The following PRKN variants were observed in gnomAD, a reference collection of about 807,000 sequenced individuals.
PRKN encodes E3 ubiquitin-protein ligase parkin.
A neutral mutation model predicts 59.5 loss-of-function variants in PRKN; 56 were observed. The observed-to-expected ratio is 0.94, with a 90% CI of 0.76 to 1.18. The LOEUF (loss-of-function observed/expected upper bound fraction) is 1.18. PRKN is among the 50% of genes most tolerant of loss of function. PRKN has a pLI of 0.00. For synonymous variants in PRKN, 250 were observed against 222.1 expected (o/e 1.13, Z -1.12); for missense variants, 657 against 596.4 (o/e 1.10, Z -1.06).
intron 9 of PRKN, among the ~76,000 whole-genome samples, chr6:161,519,043 A>G (rs1778721298): frequency 6.6e-6 from 1 of 152,232 alleles, no homozygotes; most frequent in Non-Finnish European, 1.5e-5. Context: ...AGCGCAATGT[A>G]CTTGTAACAC....
chr6:161,892,117 C>T (rs566779029), intron 6 of PRKN, among the ~76,000 whole-genome samples: 9 of 152,152 alleles, frequency 5.9e-5, no homozygotes, highest in Non-Finnish European at 1.3e-4. Context: ...CTCATCTTCC[C>T]TAAGTGCTTA....
intron 1 of PRKN, among the ~76,000 whole-genome samples, chr6:162,500,196 A>C: frequency 6.9e-6 from 1 of 145,968 alleles, no homozygotes; most frequent in East Asian, 2.0e-4. Context: ...TTTTGGTGAC[A>C]GAGTTTCACT....
At position 161,547,940 on chromosome 6, in the gene PRKN, C is replaced by T. The variant is rs1168123096; in HGVS notation, c.1083+914G>A. ...GCCCCACTGCATGACATACAGGAAG[C>T]TTTACTAAGGGGAACCAATGCTAAT... On this transcript the variant is annotated intron_variant, in intron 9 of 11. Transcript: ENST00000366898. The surrounding 1 kb of genome is among the most constrained non-coding windows in gnomAD (Gnocchi z 4.0). Among the ~76,000 whole-genome samples, 2 of 152,184 alleles carry T rather than the reference C, an allele frequency of 1.3e-5. No individual in the cohort carries two copies. The highest frequency in any genetic ancestry group is 2.9e-5 in the Non-Finnish European group (2 of 68,026).
intron 7 of PRKN, among the ~76,000 whole-genome samples, chr6:161,780,761 G>C (rs1737868189): frequency 6.6e-6 from 1 of 152,040 alleles, no homozygotes; most frequent in South Asian, 2.1e-4. Context: ...CGAGAGTAGG[G>C]AGCCATTATA....
intron 4 of PRKN, among the ~76,000 whole-genome samples, chr6:162,111,463 TAA>T (rs144971105): frequency 5.3e-5 from 8 of 150,606 alleles, no homozygotes; most frequent in Non-Finnish European, 1.5e-5. Context: ...AGACTCTGTC[TAA>T]AAAAAAAGAG....
intron 9 of PRKN, among the ~76,000 whole-genome samples, chr6:161,490,386 C>T (rs867519287): frequency 9.9e-4 from 111 of 112,262 alleles, no homozygotes; most frequent in Admixed American, 1.1e-3. Flanking sequence ...TCTTTCTTTC[C>T]TTTTTTTTTT....
At position 161,550,738 on chromosome 6, in the gene PRKN, C is replaced by CGTGTGTGTGTGTGT. The variant is rs57908717; in HGVS notation, c.934-1749_934-1736dup. ...AAGAAAGGGTATGTGTGTGTGTGCACGTGTGTGTGTGTGTGTGTGTGTGTA... is the reference window on the plus strand; with the variant it reads ...AAGAAAGGGTATGTGTGTGTGTGCACGTGTGTGTGTGTGTGTGTGTGTGTGTGTGTGTGTGTGTA... On this transcript the variant is annotated intron_variant, in intron 8 of 11. Coordinates refer to ENST00000366898, the MANE Select transcript of PRKN (RefSeq NM_004562.3). The surrounding 1 kb of genome is among the most constrained non-coding windows in gnomAD (Gnocchi z 4.0). Among the ~76,000 whole-genome samples the CGTGTGTGTGTGTGT allele has an allele frequency of 0.11, 16,319 of 146,146 alleles. 1,046 individuals carry two copies. The highest frequency in any genetic ancestry group is 0.2 in the Middle Eastern group (57 of 286).
At chr6:162,567,357 A>G (rs567982836) in intron 1 of PRKN, among the ~76,000 whole-genome samples, 9 of 152,368 alleles carry the variant, frequency 5.9e-5, no homozygotes, top group African/African-American at 1.9e-4. Flanking sequence ...ATATGATCTT[A>G]TATTTGGAAA....
At chr6:162,241,453 C>G (rs1047144244) in intron 3 of PRKN, among the ~76,000 whole-genome samples, 1 of 151,888 alleles carries the variant, frequency 6.6e-6, no homozygotes, top group Non-Finnish European at 1.5e-5. Context: ...GAGATAAGAT[C>G]ATTTTATGGA....
intron 2 of PRKN, among the ~76,000 whole-genome samples, chr6:162,336,375 G>A (rs1342069121): frequency 6.6e-6 from 1 of 151,998 alleles, no homozygotes; most frequent in East Asian, 1.9e-4. Flanking sequence ...AGCCTCAGGG[G>A]AATGTCTGGG....
intron 4 of PRKN, among the ~76,000 whole-genome samples, chr6:162,166,103 T>C (rs1042072942): frequency 6.7e-6 from 1 of 149,936 alleles, no homozygotes; most frequent in Non-Finnish European, 1.5e-5. Context: ...AAAAGTGGTT[T>C]ACACAACAAA....
At chr6:161,507,085 C>T (rs902499120) in intron 9 of PRKN, among the ~76,000 whole-genome samples, 2 of 152,144 alleles carry the variant, frequency 1.3e-5, no homozygotes, top group Admixed American at 6.5e-5. Flanking sequence ...TTAAGCCTCA[C>T]GTAAGGAAGA....
chr6:162,071,718 TC>T (rs1778583318), intron 4 of PRKN, among the ~76,000 whole-genome samples: 1 of 151,710 alleles, frequency 6.6e-6, no homozygotes, highest in Non-Finnish European at 1.5e-5. Context: ...TGCCACAGCC[TC>T]CGAGTAGCTG....
In PRKN at chr6:161,458,369, C is replaced by T. The variant is rs1216245970; in HGVS notation, c.1084-71492G>A. The stretch of plus-strand genomic sequence containing the variant: ...CAGCATCTCGGGTGCCTGGTGTGAT[C>T]GACCATAAGTGCAGCTGATGCAAAC... On this transcript the variant is annotated intron_variant, in intron 9 of 11. Coordinates refer to ENST00000366898, the MANE Select transcript of PRKN (RefSeq NM_004562.3). This position sits in a 1 kb window ranked among gnomAD's most constrained non-coding sequence, Gnocchi z 6.1. Among the ~76,000 whole-genome samples, 1 of 152,044 alleles carries T rather than the reference C, an allele frequency of 6.6e-6. No homozygotes were observed. The highest frequency in any genetic ancestry group is 2.4e-5 in the African/African-American group (1 of 41,392).
intron 6 of PRKN, among the ~76,000 whole-genome samples, chr6:161,931,150 C>G (rs187304131): frequency 2.0e-5 from 3 of 152,090 alleles, no homozygotes; most frequent in Non-Finnish European, 4.4e-5. Context: ...AAAGTAGACA[C>G]GGCGGCTGGG....
At chr6:161,918,622 C>T (rs758188446) in intron 6 of PRKN, among the ~76,000 whole-genome samples, 1 of 152,056 alleles carries the variant, frequency 6.6e-6, no homozygotes, top group Non-Finnish European at 1.5e-5. Context: ...ATCTTTGTAC[C>T]CACAAAATGC....
intron 1 of PRKN, among the ~76,000 whole-genome samples, chr6:162,542,882 C>CG (rs1025879165): frequency 2.6e-5 from 4 of 152,116 alleles, no homozygotes; most frequent in South Asian, 4.2e-4. Context: ...GCTTCTGTAG[C>CG]GGGGGGCTCA....
At chr6:161,522,638 A>G (rs1399349693) in intron 9 of PRKN, among the ~76,000 whole-genome samples, 1 of 152,276 alleles carries the variant, frequency 6.6e-6, no homozygotes, top group Non-Finnish European at 1.5e-5. Context: ...GACAGAAGAC[A>G]TTCTCACTGT....
At chr6:161,832,723 G>A (rs1792559344) in intron 6 of PRKN, among the ~76,000 whole-genome samples, 1 of 151,662 alleles carries the variant, frequency 6.6e-6, no homozygotes, top group Non-Finnish European at 1.5e-5. Flanking sequence ...CAGCCACACA[G>A]TGTGACACAA....
Sources: allele counts gnomAD v4.1 joint callset (sites outside exome capture counted in the v4.1 genomes callset), GRCh38; gene constraint gnomAD v4.1.1; non-coding constraint Gnocchi (gnomAD v3.1); transcripts MANE v1.5; gene names NCBI Gene and HGNC (gene_info 2026-07-23, HGNC 2026-07-21).